Variants in ARAP2 observed in about 807,000 individuals in gnomAD.
ARAP2 encodes arf-GAP with Rho-GAP domain, ANK repeat and PH domain-containing protein 2.
ARAP2 carries 148 observed loss-of-function variants against 194.5 expected under a neutral mutation model. The observed-to-expected ratio is 0.76, with a 90% CI of 0.67 to 0.87. ARAP2 has a LOEUF of 0.87. ARAP2 is among the 40% of genes least tolerant of loss of function. The probability of loss-of-function intolerance (pLI) is 0.00; values close to 1 mark genes in which losing one functional copy is unlikely to be tolerated. For synonymous variants in ARAP2, 695 were observed against 683.5 expected, an observed-to-expected ratio of 1.02 and a Z score of -0.26; for missense variants, 2,128 against 1,989.7, an observed-to-expected ratio of 1.07 and a Z score of -1.32.
intron 2 of ARAP2, among the ~76,000 whole-genome samples, chr4:36,052,430 G>T (rs970828512): frequency 6.6e-5 from 10 of 152,108 alleles, no homozygotes; most frequent in African/African-American, 2.2e-4. Flanking sequence ...GCAGGAAACC[G>T]CTTTCAGTAT....
intron 11 of ARAP2, among the ~76,000 whole-genome samples, chr4:36,162,181 C>A (rs1734251760): frequency 6.6e-6 from 1 of 151,476 alleles, no homozygotes; most frequent in African/African-American, 2.4e-5. Flanking sequence ...TATGTACAGA[C>A]ACATGTATAA....
At chr4:36,049,991 T>C (rs1722405774) in intron 3 of ARAP2, among the ~76,000 whole-genome samples, 1 of 152,196 alleles carries the variant, frequency 6.6e-6, no homozygotes, top group African/African-American at 2.4e-5. Context: ...TTTTTACTTA[T>C]TGATGTATTT....
At chr4:36,197,617 G>A (rs567437512) in intron 6 of ARAP2, among the ~76,000 whole-genome samples, 2 of 152,310 alleles carry the variant, frequency 1.3e-5, no homozygotes, top group South Asian at 2.1e-4. Flanking sequence ...CTCAGCTCAC[G>A]CTACCAGCCT....
intron 6 of ARAP2, among the ~76,000 whole-genome samples, chr4:36,198,051 T>A (rs1470022210): frequency 6.6e-6 from 1 of 152,134 alleles, no homozygotes; most frequent in Non-Finnish European, 1.5e-5. Flanking sequence ...GGTCCCAAGT[T>A]CTTGTGCTGT....
At chr4:36,056,476 C>G (rs1723530414) in intron 2 of ARAP2, among the ~76,000 whole-genome samples, 1 of 152,146 alleles carries the variant, frequency 6.6e-6, no homozygotes, top group Non-Finnish European at 1.5e-5. Context: ...TTTGGGAAAT[C>G]AGTTTTCTTT....
At chr4:36,014,303 A>C (rs1715266605) in intron 8 of ARAP2, among the ~76,000 whole-genome samples, 1 of 122,600 alleles carries the variant, frequency 8.2e-6, no homozygotes, top group East Asian at 2.4e-4. Flanking sequence ...GAAAGAAGAG[A>C]AGGAAGGAAA....
At chr4:36,068,828 C>G (rs1188762611) in intron 32 of ARAP2, among the ~76,000 whole-genome samples, 2 of 152,186 alleles carry the variant, frequency 1.3e-5, no homozygotes, top group Non-Finnish European at 2.9e-5. Flanking sequence ...GTATGTTCAC[C>G]TTATGGTGAG....
At chr4:36,089,494 A>C (rs1712937158) in intron 28 of ARAP2, among the ~76,000 whole-genome samples, 1 of 152,118 alleles carries the variant, frequency 6.6e-6, no homozygotes, top group South Asian at 2.1e-4. Flanking sequence ...TAGTAACTTC[A>C]TTTAAAAACT....
intron 31 of ARAP2, among the ~76,000 whole-genome samples, chr4:36,074,968 T>A (rs900182795): frequency 2.0e-5 from 3 of 152,164 alleles, no homozygotes; most frequent in Non-Finnish European, 2.9e-5. Context: ...GTATCTACCC[T>A]TGAATGTTAG....
At chr4:36,057,279 T>C (rs887031034) in intron 2 of ARAP2, among the ~76,000 whole-genome samples, 2 of 151,932 alleles carry the variant, frequency 1.3e-5, no homozygotes, top group Admixed American at 1.3e-4. Context: ...GGTTTCGGTA[T>C]TCTCTGGATG....
Position 36,229,345 on chromosome 4 carries a change from T to C in ARAP2, c.142A>G (p.Lys48Glu), listed in dbSNP as rs973014431. ...CAAINDSLLQ[K>E]IGISPTGHRR... The stretch of plus-strand genomic sequence containing the variant: ...TGACCTGTAGGTGATATTCCAATTT[T>C]CTGCAGCAGGCTGTCATTTATTGCT... Residue 48 changes from lysine to glutamate, a missense_variant, in exon 2 of 33, where the codon AAA (lysine) becomes GAA (glutamate). By Grantham distance (56) the Lys-to-Glu change is moderately conservative (BLOSUM62 1). Coordinates refer to ENST00000303965, the MANE Select transcript of ARAP2 (RefSeq NM_015230.4). 1 of 1,614,142 alleles carries C rather than the reference T, an allele frequency of 6.2e-7. No individual in the cohort carries two copies. The highest frequency in any genetic ancestry group is 8.5e-7 in the Non-Finnish European group (1 of 1,180,004).
At chr4:36,064,172 ACTTTGAGTG>A (rs144052857), downstream of ARAP2, among the ~76,000 whole-genome samples, 2,802 of 150,884 alleles carry the variant, frequency 0.019, 90 homozygotes, top group African/African-American at 0.064. Context: ...GCCTTTGAGC[ACTTTGAGTG>A]CTTTGCTTTT....
intron 19 of ARAP2, among the ~76,000 whole-genome samples, chr4:36,139,318 G>A (rs932085069): frequency 6.6e-6 from 1 of 151,422 alleles, no homozygotes; most frequent in Non-Finnish European, 1.5e-5. Context: ...TATGAAGTTG[G>A]TCGTAATATT....
intron 1 of ARAP2, among the ~76,000 whole-genome samples, chr4:36,058,515 C>A (rs961321859): frequency 2.6e-5 from 4 of 152,198 alleles, no homozygotes; most frequent in Non-Finnish European, 4.4e-5. Context: ...TAGCCCACAT[C>A]TTTAATGTTC....
chr4:36,180,015 G>A (rs190432201), intron 8 of ARAP2, among the ~76,000 whole-genome samples: 38 of 152,232 alleles, frequency 2.5e-4, no homozygotes, highest in African/African-American at 7.9e-4. Flanking sequence ...TCCCACACCC[G>A]TAATCCCAGC....
chr4:36,018,007 T>C (rs892654874), intron 6 of ARAP2, among the ~76,000 whole-genome samples: 5 of 152,170 alleles, frequency 3.3e-5, no homozygotes, highest in African/African-American at 1.2e-4. Flanking sequence ...TGTACATAAA[T>C]TGTGTTGAAT....
Position 36,147,744 on chromosome 4 carries a change from A to G in ARAP2, c.3003T>C (p.His1001=), listed in dbSNP as rs762431143. Residue 1001 remains histidine, a splice_region_variant and synonymous_variant, in exon 18 of 33, where the codon CAT becomes CAC. Transcript: ENST00000303965. The part of the protein sequence containing the change: ...QRKWTEAIAK[H]FVPLFAENLT... ...AGTTTTCAGCAAATAAGGGAACAAAATGCTGTTAAAACAAATACAAAAAAG... is the reference window on the plus strand; with the variant it reads ...AGTTTTCAGCAAATAAGGGAACAAAGTGCTGTTAAAACAAATACAAAAAAG... The G allele has an allele frequency of 6.2e-7, 1 of 1,603,418 alleles. No individual in the cohort carries two copies. The highest frequency in any genetic ancestry group is 8.5e-7 in the Non-Finnish European group (1 of 1,176,292).
At chr4:36,211,925 G>A (rs182220617) in intron 5 of ARAP2, among the ~76,000 whole-genome samples, 113 of 152,144 alleles carry the variant, frequency 7.4e-4, no homozygotes, top group African/African-American at 2.6e-3. Flanking sequence ...AACCAAAATT[G>A]AAGTTGGTGC....
chr4:36,114,748 G>T (rs1324197064), intron 25 of ARAP2, among the ~76,000 whole-genome samples: 1 of 151,942 alleles, frequency 6.6e-6, no homozygotes, highest in Non-Finnish European at 1.5e-5. Flanking sequence ...GTAGTCTGTG[G>T]TGTGCCCTGC....
Sources: gnomAD v4.1 joint callset for allele counts (sites outside exome capture counted in the v4.1 genomes callset) on GRCh38, gnomAD v4.1.1 for gene constraint, MANE v1.5 for transcripts, NCBI Gene and HGNC (gene_info 2026-07-23, HGNC 2026-07-21) for gene names.